The following ZFYVE28 variants were observed in gnomAD, a reference collection of about 807,000 sequenced individuals.
The protein encoded by ZFYVE28 is zinc finger FYVE-type containing 28.
ZFYVE28 carries 40 observed loss-of-function variants against 82.1 expected under a neutral mutation model. That is an observed-to-expected ratio of 0.49 (90% CI 0.38 to 0.63). The LOEUF (loss-of-function observed/expected upper bound fraction) is 0.63. Ranked by LOEUF, ZFYVE28 falls within the 30% of genes least tolerant of loss-of-function variation. The pLI, the probability that ZFYVE28 is intolerant of heterozygous loss-of-function variation, is 0.00. For missense variants in ZFYVE28, 1,321 were observed against 1,242.1 expected (o/e 1.06, Z -0.96); for synonymous variants, 612 against 546.1 (o/e 1.12, Z -1.68).
rs1409521527 is a variant in ZFYVE28 at position 2,305,052 on chromosome 4, AGGT to A, written c.1285_1287del (p.Thr429del). On this transcript the variant is annotated inframe_deletion, in exon 8 of 13. Transcript: ENST00000290974. Reference sequence around the variant, plus strand: ...TGCCCTTTCTCCTGGGGGTCGGCCCAGGTACTGCCTGCCCACCCAAATGGGCCA... The same window carrying A: ...TGCCCTTTCTCCTGGGGGTCGGCCCAACTGCCTGCCCACCCAAATGGGCCA... 8.7e-6 allele frequency: 14 copies of A among 1,611,860 alleles called. No homozygotes were observed. The highest frequency in any genetic ancestry group is 1.2e-5 in the Non-Finnish European group (14 of 1,179,344).
chr4:2,376,617 CA>C (rs921080371), intron 1 of ZFYVE28, among the ~76,000 whole-genome samples: 2 of 152,110 alleles, frequency 1.3e-5, no homozygotes, highest in African/African-American at 4.8e-5. Flanking sequence ...CTTATAAAAC[CA>C]TCAGATCTCC....
intron 1 of ZFYVE28, among the ~76,000 whole-genome samples, chr4:2,359,415 C>G (rs1355797443): frequency 6.6e-6 from 1 of 152,200 alleles, no homozygotes; most frequent in East Asian, 1.9e-4. Context: ...CATAAGCCAT[C>G]TAGCCCAGCC....
rs547114454 is a variant in ZFYVE28, at chr4:2,301,992, G to A, written c.2051+2297C>T. Among the ~76,000 whole-genome samples the A allele has an allele frequency of 6.6e-5, 10 of 152,338 alleles. No individual in the cohort carries two copies. The East Asian group carries it at 9.7e-4, about 15-fold the overall frequency. On this transcript the variant is annotated intron_variant, in intron 8 of 12. Transcript: ENST00000290974. Reference sequence around the variant, plus strand: ...AGCCAGCACTTGGGCCCGAGTGCACGCCAGGCCAGCCTCGCATGAGGCCCT... The same window carrying A: ...AGCCAGCACTTGGGCCCGAGTGCACACCAGGCCAGCCTCGCATGAGGCCCT...
chr4:2,411,599 C>T (rs371909550), intron 1 of ZFYVE28, among the ~76,000 whole-genome samples: 2 of 152,322 alleles, frequency 1.3e-5, no homozygotes, highest in African/African-American at 4.8e-5. Flanking sequence ...CTGACGCATA[C>T]GGGTGCCAGC....
rs900277763 is a variant in ZFYVE28 at position 2,301,021 on chromosome 4, G to A, written c.2051+3268C>T. ...TGCACACGACCGGCCTCGCACAAAC[G>A]TCACTTAACACCAGCCATGCTTCCT... is the stretch of plus-strand genomic sequence containing the variant. On this transcript the variant is annotated intron_variant, in intron 8 of 12. Transcript: ENST00000290974. Among the ~76,000 whole-genome samples, 52 of 152,164 alleles carry A rather than the reference G, an allele frequency of 3.4e-4. 1 individual carries two copies. Among genetic ancestry groups the A allele is most frequent in the Admixed American group, 3.3e-3 (50 of 15,284 alleles).
intron 1 of ZFYVE28, among the ~76,000 whole-genome samples, chr4:2,379,315 G>A (rs541125566): frequency 3.3e-5 from 5 of 152,300 alleles, no homozygotes; most frequent in South Asian, 2.1e-4. Context: ...TGTCAGACCC[G>A]GGAGCAGGTG....
rs144458990 is a variant in ZFYVE28, at chr4:2,305,178, G to A, written c.1162C>T (p.Pro388Ser). 23 of 1,596,504 alleles carry A rather than the reference G, an allele frequency of 1.4e-5. No homozygotes were observed. The highest frequency in any genetic ancestry group is 1.9e-5 in the Non-Finnish European group (22 of 1,169,038). ...TCGTCACTGCCTGACCGCAGGCGCG[G>A]TCTACCTGGAGAGGCCTCCCCGCCT... ...SPGGEASPGR[P>S]RLRSGSDEEE... is the part of the protein sequence containing the mutation. The change falls in exon 8 of 13, where the codon CCG (proline) becomes TCG (serine). Residue 388 changes from proline to serine, a missense_variant. This residue lies in a region of ZFYVE28 where 978 missense variants were observed against 833.7 expected (regional missense o/e 1.17). Coordinates refer to ENST00000290974, the MANE Select transcript of ZFYVE28 (RefSeq NM_020972.3).
Position 2,417,314 on chromosome 4 carries a change from C to T in ZFYVE28, c.39+971G>A, listed in dbSNP as rs1189973561. 6.6e-6 allele frequency among the ~76,000 whole-genome samples: 1 copy of T among 152,044 alleles called. No homozygotes were observed. The highest frequency in any genetic ancestry group is 1.5e-5 in the Non-Finnish European group (1 of 67,978). ...TGCGCCCTGGACCCTGCGCCGGGAT[C>T]CTGAACACCGCCGCGCCTTCATCCC... On this transcript the variant is annotated intron_variant, in intron 1 of 12. Coordinates refer to ENST00000290974, the MANE Select transcript of ZFYVE28 (RefSeq NM_020972.3). The surrounding 1 kb of genome is among the most constrained non-coding windows in gnomAD (Gnocchi z 4.8).
intron 1 of ZFYVE28, among the ~76,000 whole-genome samples, chr4:2,367,658 C>A (rs1442299747): frequency 6.6e-6 from 1 of 152,252 alleles, no homozygotes; most frequent in Non-Finnish European, 1.5e-5. Flanking sequence ...GCCAAGAGAA[C>A]CCCACAGTGG....
At chr4:2,323,111 CTT>C in intron 6 of ZFYVE28, among the ~76,000 whole-genome samples, 1 of 152,184 alleles carries the variant, frequency 6.6e-6, no homozygotes, top group South Asian at 2.1e-4. Flanking sequence ...CTATGTTTAA[CTT>C]TTTAAGGAAC....
At chr4:2,381,261 TGA>T (rs1370438782) in intron 1 of ZFYVE28, among the ~76,000 whole-genome samples, 1 of 152,124 alleles carries the variant, frequency 6.6e-6, no homozygotes, top group East Asian at 1.9e-4. Context: ...ACTCTGAACT[TGA>T]GAGGGATGAT....
At chr4:2,291,396 CCTT>C (rs1287866955) in intron 8 of ZFYVE28, among the ~76,000 whole-genome samples, 3 of 152,280 alleles carry the variant, frequency 2.0e-5, no homozygotes, top group Non-Finnish European at 2.9e-5. Context: ...CACCTTCTCA[CCTT>C]CTTGGGCTCA....
At chr4:2,403,204 C>T (rs559262218) in intron 1 of ZFYVE28, among the ~76,000 whole-genome samples, 80 of 152,348 alleles carry the variant, frequency 5.3e-4, no homozygotes, top group African/African-American at 1.7e-3. Context: ...CACAGATGCC[C>T]CCACACTTCC....
At chr4:2,337,374 C>G in intron 5 of ZFYVE28, 33 bp downstream of exon 5, 1 of 1,561,156 alleles carries the variant, frequency 6.4e-7, no homozygotes, top group Non-Finnish European at 8.7e-7. Flanking sequence ...TCCCCAGATG[C>G]TGCCCCCAGC....
chr4:2,385,586 A>G (rs1448353497), intron 1 of ZFYVE28, among the ~76,000 whole-genome samples: 1 of 152,198 alleles, frequency 6.6e-6, no homozygotes. Context: ...GGCCTCCCAC[A>G]GGCTTCGGAC....
At position 2,356,978 on chromosome 4, in the gene ZFYVE28, C is replaced by T. The variant is rs564916211; in HGVS notation, c.40-2905G>A. ...TGTGATCTCAGCTCACTGCAACCTCCACCTCCCAGGCTCAAGCAATCATCC... is the reference window on the plus strand; with the variant it reads ...TGTGATCTCAGCTCACTGCAACCTCTACCTCCCAGGCTCAAGCAATCATCC... On this transcript the variant is annotated intron_variant, in intron 1 of 12. Coordinates refer to ENST00000290974, the MANE Select transcript of ZFYVE28 (RefSeq NM_020972.3). Among the ~76,000 whole-genome samples the T allele has an allele frequency of 9.2e-5, 14 of 152,268 alleles. No individual in the cohort carries two copies. In the South Asian group the frequency reaches 2.7e-3, roughly 29 times the overall value.
chr4:2,365,302 G>A (rs1025979669), intron 1 of ZFYVE28, among the ~76,000 whole-genome samples: 7 of 152,042 alleles, frequency 4.6e-5, no homozygotes, highest in African/African-American at 7.2e-5. Flanking sequence ...GAGGGGCCGC[G>A]CGGCGCCTGT....
rs1577836146 is a variant in ZFYVE28, at chr4:2,270,964, T to C, written c.2533-108A>G. ...ACCCAGCTCAGGCCGCATTGGTGGG[T>C]GGGGACTGCCCAGCCCCAGCTGCCA... On this transcript the variant is annotated intron_variant, in intron 12 of 12. Transcript: ENST00000290974. 42 of 1,480,226 alleles carry C rather than the reference T, an allele frequency of 2.8e-5. 1 individual carries two copies. In the South Asian group the frequency reaches 5.3e-4, roughly 19 times the overall value. 91.7% of individuals were successfully genotyped at this position (1,480,226 alleles called of 1,614,324 possible).
intron 1 of ZFYVE28, among the ~76,000 whole-genome samples, chr4:2,368,168 A>T (rs1419032652): frequency 7.1e-6 from 1 of 140,242 alleles, no homozygotes; most frequent in African/African-American, 2.6e-5. Flanking sequence ...ACTTGAGGCC[A>T]GGAGTTCAAG....
Sources: gnomAD v4.1 joint callset for allele counts (sites outside exome capture counted in the v4.1 genomes callset) on GRCh38, gnomAD v4.1.1 for gene constraint, gnomAD v4.1.1 regional missense constraint, Gnocchi (gnomAD v3.1) non-coding constraint, MANE v1.5 for transcripts, NCBI Gene and HGNC (gene_info 2026-07-23, HGNC 2026-07-21) for gene names.